Variants in ERGIC1 observed in about 807,000 individuals in gnomAD.
ERGIC1 encodes the protein endoplasmic reticulum-golgi intermediate compartment 1, also known as endoplasmic reticulum-Golgi intermediate compartment protein 1.
A neutral mutation model predicts 38.3 loss-of-function variants in ERGIC1; 19 were observed. The observed-to-expected ratio is 0.50, with a 90% CI of 0.35 to 0.73. The LOEUF (loss-of-function observed/expected upper bound fraction) is 0.73. ERGIC1 is among the 30% of genes least tolerant of loss of function. ERGIC1 has a pLI of 0.01. For synonymous variants in ERGIC1, 124 were observed against 157.6 expected (o/e 0.79, Z 1.60); for missense variants, 294 against 389.2 (o/e 0.76, Z 2.06).
chr5:172,842,999 C>G (rs550874063), intron 1 of ERGIC1, among the ~76,000 whole-genome samples: 57 of 152,210 alleles, frequency 3.7e-4, no homozygotes, highest in African/African-American at 1.4e-3. Context: ...CAAAAATTAG[C>G]TGGGCATGGT....
intron 1 of ERGIC1, among the ~76,000 whole-genome samples, chr5:172,849,555 T>A (rs1422077878): frequency 1.3e-5 from 2 of 152,174 alleles, no homozygotes; most frequent in Non-Finnish European, 2.9e-5. Context: ...GCTCTAGGGA[T>A]CATTGTTTTC....
intron 1 of ERGIC1, among the ~76,000 whole-genome samples, chr5:172,840,657 C>T (rs1401324949): frequency 2.0e-5 from 3 of 152,154 alleles, no homozygotes; most frequent in Non-Finnish European, 4.4e-5. Flanking sequence ...CCTGCATGAC[C>T]TTCGGCAACT....
Position 172,952,044 on chromosome 5 carries a change from A to T in ERGIC1, c.*1228A>T, listed in dbSNP as rs962142102. On this transcript the variant is annotated 3_prime_UTR_variant, in exon 10 of 10. Transcript: ENST00000393784. ...GGTCCCTACCCTGCTGCTCCTCTTC[A>T]TCCTTTCCCTTTTGTCCTGAAAGGG... The T allele has an allele frequency of 6.6e-6, 1 of 152,134 alleles. No homozygotes were observed. The highest frequency in any genetic ancestry group is 2.4e-5 in the African/African-American group (1 of 41,424). 9.4% of individuals were successfully genotyped at this position (152,134 alleles called of 1,614,324 possible). A position where few individuals can be genotyped will look rare whatever the true frequency, so the allele number is the denominator to read the frequency against.
chr5:172,854,841 G>A (rs901780672), intron 1 of ERGIC1, among the ~76,000 whole-genome samples: 38 of 152,230 alleles, frequency 2.5e-4, no homozygotes, highest in Non-Finnish European at 4.7e-4. Context: ...TGGAAGTTTG[G>A]TGTTGTTTTT....
chr5:172,858,766 C>T (rs1761622986), intron 1 of ERGIC1, among the ~76,000 whole-genome samples: 1 of 152,224 alleles, frequency 6.6e-6, no homozygotes, highest in African/African-American at 2.4e-5. Context: ...CCGCTGTTGT[C>T]CACAGAAAGA....
intron 2 of ERGIC1, 57 bp downstream of exon 2, chr5:172,888,817 T>C: frequency 6.9e-7 from 1 of 1,443,462 alleles, no homozygotes; most frequent in Non-Finnish European, 9.8e-7. Flanking sequence ...CTGTGCCTGC[T>C]CTCTCTGTGC....
chr5:172,928,073 C>T (rs13359108), intron 7 of ERGIC1, among the ~76,000 whole-genome samples: 1 of 151,870 alleles, frequency 6.6e-6, no homozygotes. Flanking sequence ...GGTGTGGTGC[C>T]GTGGTCATTG....
chr5:172,935,069 G>A lies in ERGIC1; in HGVS notation c.643-119G>A, dbSNP rs1417126864. Reference sequence around the variant, plus strand: ...AGAGGGAGTGGGGGAGTCTGGCTTCGTGGGGCAGAGAGGGAGGAAAGCCCT... The same window carrying A: ...AGAGGGAGTGGGGGAGTCTGGCTTCATGGGGCAGAGAGGGAGGAAAGCCCT... On this transcript the variant is annotated intron_variant, in intron 8 of 9. Transcript: ENST00000393784. The A allele has an allele frequency of 2.6e-5, 38 of 1,462,002 alleles. 1 individual carries two copies. The highest frequency in any genetic ancestry group is 1.7e-4 in the Middle Eastern group (1 of 5,720). The allele number at this position is 1,462,002 out of a possible 1,614,324, so 90.6% of individuals were successfully genotyped here. A position where few individuals can be genotyped will look rare whatever the true frequency, so the allele number is the denominator to read the frequency against.
At chr5:172,947,862 A>C (rs919139934) in intron 9 of ERGIC1, among the ~76,000 whole-genome samples, 2 of 143,944 alleles carry the variant, frequency 1.4e-5, no homozygotes, top group African/African-American at 5.3e-5. Context: ...TGTGTAGATG[A>C]ATACAGATGT....
At chr5:172,866,302 C>T (rs1761859427) in intron 1 of ERGIC1, among the ~76,000 whole-genome samples, 1 of 152,118 alleles carries the variant, frequency 6.6e-6, no homozygotes, top group Admixed American at 6.5e-5. Context: ...TCACAGCCCT[C>T]AGCAGCCATG....
At position 172,846,646 on chromosome 5, in the gene ERGIC1, A is replaced by G. The variant is rs866585674; in HGVS notation, c.20+12213A>G. The stretch of plus-strand genomic sequence containing the variant: ...AGAAGGGCTATAGGAACCATGTCAT[A>G]AGAGTAACCTTCAAAGGAATAGGAA... On this transcript the variant is annotated intron_variant, in intron 1 of 9. Coordinates refer to ENST00000393784, the MANE Select transcript of ERGIC1 (RefSeq NM_001031711.3). This position sits in a 1 kb window ranked among gnomAD's most constrained non-coding sequence, Gnocchi z 4.0. Among the ~76,000 whole-genome samples the G allele has an allele frequency of 6.6e-6, 1 of 152,186 alleles. No individual in the cohort carries two copies. Among genetic ancestry groups the G allele is most frequent in the Non-Finnish European group, 1.5e-5 (1 of 68,034 alleles).
intron 1 of ERGIC1, among the ~76,000 whole-genome samples, chr5:172,860,474 G>C (rs1173966399): frequency 2.6e-5 from 4 of 152,256 alleles, no homozygotes; most frequent in Admixed American, 1.3e-4. Context: ...GGCAGAGCTG[G>C]GGTTTGAACC....
intron 8 of ERGIC1, 150 bp from the exon 9 acceptor site, chr5:172,935,038 T>C: frequency 9.0e-7 from 1 of 1,108,428 alleles, no homozygotes; most frequent in Non-Finnish European, 1.3e-6. Flanking sequence ...GGGGAAGGGA[T>C]GTGAGAGAGG....
intron 1 of ERGIC1, among the ~76,000 whole-genome samples, chr5:172,841,749 G>A (rs1332285118): frequency 1.3e-5 from 2 of 152,180 alleles, no homozygotes; most frequent in African/African-American, 4.8e-5. Context: ...CCTTCAGCTT[G>A]TAATGTCTTG....
chr5:172,842,590 T>G (rs983960408), intron 1 of ERGIC1, among the ~76,000 whole-genome samples: 1 of 152,192 alleles, frequency 6.6e-6, no homozygotes, highest in African/African-American at 2.4e-5. Context: ...TGAGAAATCT[T>G]CCTCCTGTTT....
intron 3 of ERGIC1, among the ~76,000 whole-genome samples, chr5:172,904,475 C>A (rs891483828): frequency 6.6e-6 from 1 of 152,230 alleles, no homozygotes; most frequent in African/African-American, 2.4e-5. Flanking sequence ...TCCTAAGTGG[C>A]AGAGCCAGGA....
chr5:172,863,377 T>C (rs1761768320), intron 1 of ERGIC1, among the ~76,000 whole-genome samples: 1 of 152,234 alleles, frequency 6.6e-6, no homozygotes, highest in Admixed American at 6.5e-5. Flanking sequence ...ACTTCTTCTG[T>C]GGGTGATTTG....
In ERGIC1 at chr5:172,909,126, CTG is replaced by C. The variant is rs1195124546; in HGVS notation, c.156-540_156-539del. Among the ~76,000 whole-genome samples the C allele has an allele frequency of 2.2e-3, 328 of 151,514 alleles. 1 individual carries two copies. Among genetic ancestry groups the C allele is most frequent in the Non-Finnish European group, 3.7e-3 (250 of 67,912 alleles). On this transcript the variant is annotated intron_variant, in intron 3 of 9. Transcript: ENST00000393784. ...AGATATGCTCTTACCACCGTGCTAT[CTG>C]ACCCCACCCCTTCTCTTTCCTGAGC...
At position 172,924,022 on chromosome 5, in the gene ERGIC1, C is replaced by T. The variant is rs775215957; in HGVS notation, c.393C>T (p.His131=). 22 of 1,614,084 alleles carry T rather than the reference C, an allele frequency of 1.4e-5. 1 individual carries two copies. The South Asian group carries it at 1.5e-4, about 11-fold the overall frequency. ...TCCCCCAGGTCCCCGGCAACTTCCA[C>T]GTGTCCACACACAGTGCCACAGCCC... ...FSINKVPGNF[H]VSTHSATAQP... Residue 131 remains histidine, a synonymous_variant, in exon 6 of 10, where the codon CAC becomes CAT. Coordinates refer to ENST00000393784, the MANE Select transcript of ERGIC1 (RefSeq NM_001031711.3).
Sources: gnomAD v4.1 joint callset for allele counts (sites outside exome capture counted in the v4.1 genomes callset) on GRCh38, gnomAD v4.1.1 for gene constraint, Gnocchi (gnomAD v3.1) non-coding constraint, MANE v1.5 for transcripts, NCBI Gene and HGNC (gene_info 2026-07-23, HGNC 2026-07-21) for gene names.